Variants in TTC7A observed in about 807,000 individuals in gnomAD.
TTC7A encodes tetratricopeptide repeat domain 7A.
Under a neutral mutation model 103.7 loss-of-function variants are expected in TTC7A, and 110 were observed. That is an observed-to-expected ratio of 1.06 (90% confidence interval 0.91 to 1.24). The LOEUF is 1.24. TTC7A is among the 50% of genes most tolerant of loss of function. The probability of loss-of-function intolerance (pLI) is 0.00; values close to 1 mark genes in which losing one functional copy is unlikely to be tolerated. For missense variants in TTC7A, 1,340 were observed against 1,116.3 expected, an observed-to-expected ratio of 1.20 and a Z score of -2.86; for synonymous variants, 521 against 467.9, an observed-to-expected ratio of 1.11 and a Z score of -1.47.
chr2:46,995,343 GC>G, intron 8 of TTC7A, 144 bp downstream of exon 8: 1 of 801,282 alleles, frequency 1.2e-6, no homozygotes, highest in Non-Finnish European at 2.0e-6. Flanking sequence ...TTGGCCCTGG[GC>G]CCCCATACAG....
Position 47,047,433 on chromosome 2 carries a change from C to A in TTC7A, c.1919+1002C>A, listed in dbSNP as rs576075897. The A allele has an allele frequency of 3.5e-5, 26 of 749,864 alleles. No individual in the cohort carries two copies. In the African/African-American group the frequency reaches 4.3e-4, roughly 12 times the overall value. 46.5% of individuals were successfully genotyped at this position (749,864 alleles called of 1,614,324 possible). On this transcript the variant is annotated intron_variant, in intron 16 of 19. Coordinates refer to ENST00000319190, the MANE Select transcript of TTC7A (RefSeq NM_020458.4). The stretch of plus-strand genomic sequence containing the variant: ...AGGAGGACCAGTGGGCGGAAGCTGC[C>A]AGAAGGAGGCTCTGGGGTTGAGGGA...
At chr2:46,948,483 T>A (rs13406024) in intron 1 of TTC7A, among the ~76,000 whole-genome samples, 5,451 of 152,252 alleles carry the variant, frequency 0.036, 125 homozygotes, top group Non-Finnish European at 0.053. Context: ...TTAAAAGTCA[T>A]GAGGTACATA....
At chr2:46,924,311 A>G (rs1433550157) in intron 2 of TTC7A, among the ~76,000 whole-genome samples, 1 of 151,450 alleles carries the variant, frequency 6.6e-6, no homozygotes, top group Non-Finnish European at 1.5e-5. Flanking sequence ...GTATCAGCTC[A>G]TCAACATTCT....
At chr2:46,962,697 G>T (rs889528613) in intron 3 of TTC7A, among the ~76,000 whole-genome samples, 3 of 152,226 alleles carry the variant, frequency 2.0e-5, no homozygotes, top group African/African-American at 7.2e-5. Flanking sequence ...CGGCCATATG[G>T]CTGTCTCTAG....
At chr2:46,916,778 G>A (rs1668816650) in intron 1 of TTC7A, among the ~76,000 whole-genome samples, 1 of 152,140 alleles carries the variant, frequency 6.6e-6, no homozygotes, top group East Asian at 1.9e-4. Context: ...GGGATTACAG[G>A]CGCGTGCCAC....
intron 8 of TTC7A, among the ~76,000 whole-genome samples, chr2:47,001,337 C>T (rs1572868373): frequency 6.6e-6 from 1 of 152,132 alleles, no homozygotes; most frequent in East Asian, 1.9e-4. Context: ...GCAGAGGAGC[C>T]CCCAGGCAGC....
rs35753980 is a variant in TTC7A at position 47,059,009 on chromosome 2, C to CTTTTTTTTTT, written c.2153-1739_2153-1730dup. Among the ~76,000 whole-genome samples, 94 of 44,718 alleles carry CTTTTTTTTTT rather than the reference C, an allele frequency of 2.1e-3. 26 individuals carry two copies. Among genetic ancestry groups the CTTTTTTTTTT allele is most frequent in the African/African-American group, 0.011 (89 of 8,318 alleles). 29.3% of individuals were successfully genotyped at this position (44,718 alleles called of 152,430 possible). A position where few individuals can be genotyped will look rare whatever the true frequency, so the allele number is the denominator to read the frequency against. On this transcript the variant is annotated intron_variant, in intron 18 of 19. Transcript: ENST00000319190. Reference sequence around the variant, plus strand: ...GTGGGGTCCTCACCTCCTAAGCCTGCTTTTTTTTTTTTTTTTTTTTTTTTT... The same window carrying CTTTTTTTTTT: ...GTGGGGTCCTCACCTCCTAAGCCTGCTTTTTTTTTTTTTTTTTTTTTTTTTTTTTTTTTTT...
chr2:47,000,413 A>G (rs1275391540), intron 8 of TTC7A, among the ~76,000 whole-genome samples: 2 of 152,206 alleles, frequency 1.3e-5, no homozygotes, highest in Non-Finnish European at 1.5e-5. Context: ...CTGCCAGCTT[A>G]GAGCCCTTGG....
At chr2:47,019,316 T>G (rs1255080469) in intron 11 of TTC7A, among the ~76,000 whole-genome samples, 3 of 152,086 alleles carry the variant, frequency 2.0e-5, no homozygotes, top group Non-Finnish European at 4.4e-5. Flanking sequence ...GAGGATTGCT[T>G]GAGCCCAGGA....
At chr2:46,968,480 A>G (rs575240140) in intron 3 of TTC7A, among the ~76,000 whole-genome samples, 2 of 152,326 alleles carry the variant, frequency 1.3e-5, no homozygotes, top group Admixed American at 1.3e-4. Flanking sequence ...GTGGGCTTCC[A>G]GTCAGATGTT....
At chr2:46,974,813 G>A (rs368647997) in intron 3 of TTC7A, 160 bp from the exon 4 acceptor site, 13 of 961,974 alleles carry the variant, frequency 1.4e-5, no homozygotes, top group Non-Finnish European at 1.7e-5. Context: ...TAACACCACC[G>A]TCGCTTCAGC....
chr2:47,045,010 C>A (rs1267813570), intron 15 of TTC7A, among the ~76,000 whole-genome samples: 1 of 152,220 alleles, frequency 6.6e-6, no homozygotes, highest in Non-Finnish European at 1.5e-5. Flanking sequence ...TCCGATGGAG[C>A]AGGCCTGTGT....
chr2:47,036,915 T>G (rs1349324483), intron 15 of TTC7A, among the ~76,000 whole-genome samples: 1 of 152,192 alleles, frequency 6.6e-6, no homozygotes, highest in Admixed American at 6.5e-5. Context: ...CTGGGAGACC[T>G]AGATCACTCA....
intron 3 of TTC7A, among the ~76,000 whole-genome samples, chr2:46,962,388 A>C (rs574676662): frequency 2.2e-4 from 34 of 152,174 alleles, no homozygotes; most frequent in Admixed American, 1.2e-3. Flanking sequence ...GTTAGGGGTC[A>C]GTATGTTCCT....
At chr2:47,025,400 T>C (rs573725301) in intron 14 of TTC7A, among the ~76,000 whole-genome samples, 1 of 152,138 alleles carries the variant, frequency 6.6e-6, no homozygotes, top group African/African-American at 2.4e-5. Context: ...CCTTTTGGAG[T>C]TGGGGCCCTG....
chr2:46,957,157 A>C (rs1671948401), intron 3 of TTC7A, 150 bp downstream of exon 3: 1 of 978,976 alleles, frequency 1.0e-6, no homozygotes, highest in Non-Finnish European at 1.5e-6. Flanking sequence ...TGCCGGTGGC[A>C]ACCGGCCATG....
At chr2:46,923,591 T>G (rs1026273863) in intron 2 of TTC7A, among the ~76,000 whole-genome samples, 1 of 152,172 alleles carries the variant, frequency 6.6e-6, no homozygotes, top group African/African-American at 2.4e-5. Flanking sequence ...TGTTGCAGTC[T>G]CCATTAAAAC....
intron 2 of TTC7A, among the ~76,000 whole-genome samples, chr2:46,928,263 A>G (rs1164691863): frequency 6.6e-6 from 1 of 151,862 alleles, no homozygotes; most frequent in Non-Finnish European, 1.5e-5. Context: ...CCCATTTATC[A>G]TCTCACAGTT....
intron 5 of TTC7A, among the ~76,000 whole-genome samples, chr2:46,992,294 G>T (rs1675714356): frequency 6.6e-6 from 1 of 152,220 alleles, no homozygotes; most frequent in Non-Finnish European, 1.5e-5. Context: ...CAGTGTGCGA[G>T]GGTCAGACCT....
Sources: allele counts gnomAD v4.1 joint callset (sites outside exome capture counted in the v4.1 genomes callset), GRCh38; gene constraint gnomAD v4.1.1; transcripts MANE v1.5; gene names NCBI Gene and HGNC (gene_info 2026-07-23, HGNC 2026-07-21).